The following SPAG17 variants were observed in gnomAD, a reference collection of about 807,000 sequenced individuals.
SPAG17 encodes the protein sperm-associated antigen 17.
SPAG17 carries 169 observed loss-of-function variants against 273.6 expected under a neutral mutation model. That is an observed-to-expected ratio of 0.62 (90% CI 0.55 to 0.70). The LOEUF is 0.70. Ranked by LOEUF, SPAG17 falls within the 30% of genes least tolerant of loss-of-function variation. SPAG17 has a pLI of 0.00. For missense variants in SPAG17, 2,557 were observed against 2,627.8 expected (o/e 0.97, Z 0.59); for synonymous variants, 825 against 873.2 (o/e 0.94, Z 0.97).
chr1:118,059,559 C>A (rs987262735), intron 18 of SPAG17, among the ~76,000 whole-genome samples: 1 of 151,892 alleles, frequency 6.6e-6, no homozygotes, highest in African/African-American at 2.4e-5. Context: ...ACTGTTTACT[C>A]CTCCTTTAGT....
chr1:118,075,739 T>C lies in SPAG17; in HGVS notation c.2210-1139A>G, dbSNP rs1654026465. ...AACTCTTTAAGCACAACTCTTTGAC[T>C]CTCCCTTGCTCATTCTACTCCAGAT... On this transcript the variant is annotated intron_variant, in intron 15 of 48. Coordinates refer to ENST00000336338, the MANE Select transcript of SPAG17 (RefSeq NM_206996.4). Among the ~76,000 whole-genome samples the C allele has an allele frequency of 2.0e-5, 3 of 152,242 alleles. No individual in the cohort carries two copies. The South Asian group carries it at 6.2e-4, about 32-fold the overall frequency.
chr1:118,081,207 A>AT lies in SPAG17; in HGVS notation c.2102dup (p.Asn701LysfsTer6). 3.1e-6 allele frequency: 5 copies of AT among 1,613,886 alleles called. No individual in the cohort carries two copies. Among genetic ancestry groups the AT allele is most frequent in the Non-Finnish European group, 4.2e-6 (5 of 1,179,930 alleles). On this transcript the variant is annotated frameshift_variant, in exon 15 of 49. Coordinates refer to ENST00000336338, the MANE Select transcript of SPAG17 (RefSeq NM_206996.4). LOFTEE classifies it high-confidence loss of function. The stretch of plus-strand genomic sequence containing the variant: ...GATTATTCAAGTCAGAATGCTTCAT[A>AT]TTGTTAGCATCACACTGACTAGGAT...
chr1:118,172,602 C>A (rs1445353600), intron 1 of SPAG17, among the ~76,000 whole-genome samples: 1 of 152,142 alleles, frequency 6.6e-6, no homozygotes, highest in Non-Finnish European at 1.5e-5. Flanking sequence ...GACAAAACTC[C>A]AATCTAAACT....
rs568758075 is a variant in SPAG17, at chr1:117,987,816, G to T, written c.5669+18C>A. On this transcript the variant is annotated intron_variant, in intron 40 of 48. Coordinates refer to ENST00000336338, the MANE Select transcript of SPAG17 (RefSeq NM_206996.4). ...TGGGCCCTTTCAGGTCCTTATGTGC[G>T]TTTTGGGGTATAATTACCTCGTTTT... is the stretch of plus-strand genomic sequence containing the variant. 1.2e-6 allele frequency: 2 copies of T among 1,612,290 alleles called. No individual in the cohort carries two copies. The highest frequency in any genetic ancestry group is 1.7e-6 in the Non-Finnish European group (2 of 1,178,630).
chr1:117,992,583 C>A lies in SPAG17; in HGVS notation c.5244G>T (p.Gln1748His). The change falls in exon 36 of 49, where the codon CAG (glutamine) becomes CAT (histidine). Residue 1748 changes from glutamine (Q) to histidine (H), a missense_variant. Transcript: ENST00000336338. Reference sequence around the variant, plus strand: ...GTATGGCACCCGGGGCACTCACTAGCTGTTTGGACTCAATGCAAAGGCCTT... The same window carrying A: ...GTATGGCACCCGGGGCACTCACTAGATGTTTGGACTCAATGCAAAGGCCTT... ...IWKGLCIESK[Q>H]LVSAPGAILK... 1 of 1,613,672 alleles carries A rather than the reference C, an allele frequency of 6.2e-7. No homozygotes were observed. Among genetic ancestry groups the A allele is most frequent in the African/African-American group, 1.3e-5 (1 of 75,006 alleles).
At chr1:118,111,874 T>C (rs1570714306) in intron 4 of SPAG17, among the ~76,000 whole-genome samples, 1 of 152,152 alleles carries the variant, frequency 6.6e-6, no homozygotes, top group Non-Finnish European at 1.5e-5. Context: ...ATTTGTACCA[T>C]GCATATGAGC....
At chr1:117,955,286 C>A in intron 48 of SPAG17, 2 of 1,590,052 alleles carry the variant, frequency 1.3e-6, no homozygotes, top group African/African-American at 1.3e-5. Flanking sequence ...CCAAGAGTAT[C>A]ACTAATGGTA....
In SPAG17 at chr1:117,992,597, T is replaced by C; in HGVS notation, c.5230A>G (p.Ile1744Val). 6.2e-7 allele frequency: 1 copy of C among 1,612,980 alleles called. No homozygotes were observed. Among genetic ancestry groups the C allele is most frequent in the South Asian group, 1.1e-5 (1 of 90,860 alleles). ...FGTQIWKGLC[I>V]ESKQLVSAPG... Reference sequence around the variant, plus strand: ...GCACTCACTAGCTGTTTGGACTCAATGCAAAGGCCTTTCCAAATCTGAGTA... The same window carrying C: ...GCACTCACTAGCTGTTTGGACTCAACGCAAAGGCCTTTCCAAATCTGAGTA... The change falls in exon 36 of 49, where the codon ATT (isoleucine) becomes GTT (valine). Residue 1744 changes from isoleucine to valine, a missense_variant. Transcript: ENST00000336338.
chr1:117,983,882 A>C lies in SPAG17; in HGVS notation c.5801T>G (p.Leu1934Arg). Residue 1934 changes from leucine (L) to arginine (R), a missense_variant, in exon 42 of 49, where the codon CTG (leucine) becomes CGG (arginine). By Grantham distance (102) the Leu-to-Arg change is moderately radical. Coordinates refer to ENST00000336338, the MANE Select transcript of SPAG17 (RefSeq NM_206996.4). ...YNHLDSLSKK[L>R]PSFTKKNEDA... is the part of the protein sequence containing the mutation. ...TTCATTTTTCTTTGTAAAAGAAGGC[A>C]GTTTTTTGGAAAGACTGTCCAGGTG... 1 of 1,612,446 alleles carries C rather than the reference A, an allele frequency of 6.2e-7. No homozygotes were observed. The highest frequency in any genetic ancestry group is 8.5e-7 in the Non-Finnish European group (1 of 1,179,018).
intron 25 of SPAG17, among the ~76,000 whole-genome samples, chr1:118,030,674 G>A (rs1278002793): frequency 1.3e-5 from 2 of 152,052 alleles, no homozygotes; most frequent in African/African-American, 2.4e-5. Context: ...TCCCATTTAT[G>A]AATGAGAACA....
At chr1:118,058,276 T>G (rs1396373661) in intron 18 of SPAG17, among the ~76,000 whole-genome samples, 1 of 152,138 alleles carries the variant, frequency 6.6e-6, no homozygotes, top group Non-Finnish European at 1.5e-5. Flanking sequence ...GGTACAATCA[T>G]GTCTCACAGG....
intron 3 of SPAG17, among the ~76,000 whole-genome samples, chr1:118,130,046 A>T (rs1467908032): frequency 6.6e-6 from 1 of 152,048 alleles, no homozygotes; most frequent in Non-Finnish European, 1.5e-5. Context: ...GCTGTTGTTA[A>T]TTTCTAAGTA....
At chr1:118,019,950 G>C (rs556647743) in intron 28 of SPAG17, among the ~76,000 whole-genome samples, 3 of 151,994 alleles carry the variant, frequency 2.0e-5, no homozygotes, top group Non-Finnish European at 4.4e-5. Flanking sequence ...AAAGACAAAC[G>C]TTTTCAAATT....
At chr1:118,046,776 G>A (rs1650403881) in intron 20 of SPAG17, among the ~76,000 whole-genome samples, 1 of 151,992 alleles carries the variant, frequency 6.6e-6, no homozygotes. Context: ...TTCTTTTTTT[G>A]TGTGTGGGGG....
At chr1:117,984,398 G>C (rs1223804394) in intron 41 of SPAG17, among the ~76,000 whole-genome samples, 1 of 152,180 alleles carries the variant, frequency 6.6e-6, no homozygotes, top group Non-Finnish European at 1.5e-5. Context: ...GCCTAAAAAG[G>C]CTTAACATAG....
chr1:117,999,353 G>T (rs1658014327), intron 32 of SPAG17, among the ~76,000 whole-genome samples: 1 of 152,182 alleles, frequency 6.6e-6, no homozygotes, highest in Non-Finnish European at 1.5e-5. Flanking sequence ...CCAGTAATGG[G>T]ATTGCTGGGT....
At chr1:118,167,984 C>T (rs147356626) in intron 1 of SPAG17, among the ~76,000 whole-genome samples, 257 of 152,346 alleles carry the variant, frequency 1.7e-3, no homozygotes, top group African/African-American at 4.7e-3. Context: ...ACACTTCCTC[C>T]TCCTTTGCCT....
intron 40 of SPAG17, among the ~76,000 whole-genome samples, chr1:117,987,324 T>C (rs535285123): frequency 6.6e-6 from 1 of 152,168 alleles, no homozygotes; most frequent in Admixed American, 6.5e-5. Flanking sequence ...AACATATTAA[T>C]CCTGAAGTTA....
intron 4 of SPAG17, among the ~76,000 whole-genome samples, chr1:118,107,081 A>T (rs1656445944): frequency 6.6e-6 from 1 of 152,228 alleles, no homozygotes; most frequent in Non-Finnish European, 1.5e-5. Flanking sequence ...TTGATCTCAC[A>T]AGGCAACCTG....
Sources: allele counts gnomAD v4.1 joint callset (sites outside exome capture counted in the v4.1 genomes callset), GRCh38; gene constraint gnomAD v4.1.1; transcripts MANE v1.5; gene names NCBI Gene and HGNC (gene_info 2026-07-23, HGNC 2026-07-21).